Variants in CPXM2 observed in about 807,000 individuals in gnomAD.
CPXM2 encodes the protein carboxypeptidase X, M14 family member 2, also known as inactive carboxypeptidase-like protein X2.
Under a neutral mutation model 86.1 loss-of-function variants are expected in CPXM2, and 66 were observed. That is an observed-to-expected ratio of 0.77 (90% confidence interval 0.63 to 0.94). The LOEUF is 0.94. Among genes scored for constraint, CPXM2 ranks in the 40% least tolerant of loss-of-function variants. The pLI is 0.00. For synonymous variants in CPXM2, 388 were observed against 400.2 expected, an observed-to-expected ratio of 0.97 and a Z score of 0.36; for missense variants, 948 against 1,026.3, an observed-to-expected ratio of 0.92 and a Z score of 1.04.
In CPXM2 at chr10:123,865,724, C is replaced by T. The variant is rs1219453288; in HGVS notation, c.404-3001G>A. Among the ~76,000 whole-genome samples the T allele has an allele frequency of 1.3e-5, 2 of 152,194 alleles. No individual in the cohort carries two copies. Among genetic ancestry groups the T allele is most frequent in the Non-Finnish European group, 2.9e-5 (2 of 68,038 alleles). On this transcript the variant is annotated intron_variant, in intron 2 of 13. Transcript: ENST00000241305. The surrounding 1 kb of genome is among the most constrained non-coding windows in gnomAD (Gnocchi z 4.7). ...TGGGGCACGGGACGGGCACCTGCAGCTACTGCCCAGAGCTGAGGGTGAACA... is the reference window on the plus strand; with the variant it reads ...TGGGGCACGGGACGGGCACCTGCAGTTACTGCCCAGAGCTGAGGGTGAACA...
chr10:123,792,755 C>A (rs892002230), intron 6 of CPXM2, among the ~76,000 whole-genome samples: 1 of 152,218 alleles, frequency 6.6e-6, no homozygotes, highest in Non-Finnish European at 1.5e-5. Context: ...CCCAGACCTT[C>A]TGCAATACTT....
intron 13 of CPXM2, chr10:123,752,731 G>T: frequency 6.7e-6 from 3 of 445,534 alleles, no homozygotes; most frequent in Non-Finnish European, 5.9e-6. Context: ...CCAGTGCTTG[G>T]CTCAAATCAT....
At chr10:123,891,871 C>A (rs1945282713), upstream of CPXM2, 1 of 155,160 alleles carries the variant, frequency 6.4e-6, no homozygotes, top group Admixed American at 6.6e-5. This position sits in a 1 kb window ranked among gnomAD's most constrained non-coding sequence, Gnocchi z 5.6. Context: ...AGGCGCGGGG[C>A]GGGCGCAGGG....
chr10:123,913,625 GAT>G (rs1373018790), intron 2 of CPXM2: 3 of 170,290 alleles, frequency 1.8e-5, no homozygotes, highest in Admixed American at 5.6e-5. Context: ...GGGCAAGTGA[GAT>G]AGAAAATTAG....
upstream of CPXM2, among the ~76,000 whole-genome samples, chr10:123,941,427 A>C (rs9665095): frequency 6.6e-6 from 1 of 151,660 alleles, no homozygotes; most frequent in East Asian, 1.9e-4. Flanking sequence ...CTGTCTCTGT[A>C]TCTTCTCTTA....
At chr10:123,922,849 A>C (rs1169095078) in intron 2 of CPXM2, among the ~76,000 whole-genome samples, 2 of 152,162 alleles carry the variant, frequency 1.3e-5, no homozygotes, top group East Asian at 3.8e-4. Context: ...TGGTTGAAAA[A>C]CTATTGGGAA....
intron 2 of CPXM2, among the ~76,000 whole-genome samples, chr10:123,920,679 G>A (rs943439555): frequency 6.1e-4 from 93 of 152,262 alleles, no homozygotes; most frequent in Non-Finnish European, 3.5e-4. Context: ...CATAGTTCAC[G>A]TGTTGGAAAC....
intron 12 of CPXM2, among the ~76,000 whole-genome samples, chr10:123,756,437 G>A (rs1257856967): frequency 6.6e-6 from 1 of 152,136 alleles, no homozygotes; most frequent in Non-Finnish European, 1.5e-5. Flanking sequence ...TCTCAGCGGA[G>A]GCAGCAGCAG....
chr10:123,850,406 G>A (rs1460780472), intron 3 of CPXM2, among the ~76,000 whole-genome samples: 1 of 152,166 alleles, frequency 6.6e-6, no homozygotes. Flanking sequence ...AATATTAAAT[G>A]GGAAATTCCA....
intron 2 of CPXM2, 65 bp downstream of exon 2, chr10:123,880,146 A>AAG: frequency 8.3e-6 from 2 of 240,424 alleles, no homozygotes; most frequent in Non-Finnish European, 1.7e-5. Flanking sequence ...AGGGGCCTGT[A>AAG]CCCACCCACC....
intron 2 of CPXM2, among the ~76,000 whole-genome samples, chr10:123,918,463 G>A (rs1945552723): frequency 1.3e-5 from 2 of 152,162 alleles, no homozygotes; most frequent in Admixed American, 1.3e-4. Context: ...AAAACTCGAA[G>A]AAATACAGAT....
Position 123,845,343 on chromosome 10 carries a change from T to C in CPXM2, c.514-2855A>G, listed in dbSNP as rs1848475669. ...AAACAGAAAAAAAAAATGCAAACTATAATAGAGAACAGAAAAAAGGCTTTA... is the reference window on the plus strand; with the variant it reads ...AAACAGAAAAAAAAAATGCAAACTACAATAGAGAACAGAAAAAAGGCTTTA... On this transcript the variant is annotated intron_variant, in intron 3 of 13. Coordinates refer to ENST00000241305, the MANE Select transcript of CPXM2 (RefSeq NM_198148.3). Among the ~76,000 whole-genome samples the C allele has an allele frequency of 3.3e-5, 5 of 151,202 alleles. 1 individual carries two copies. In the South Asian group the frequency reaches 1.0e-3, roughly 32 times the overall value.
intron 6 of CPXM2, among the ~76,000 whole-genome samples, chr10:123,785,421 T>G (rs1244049601): frequency 2.0e-5 from 3 of 152,162 alleles, no homozygotes; most frequent in Non-Finnish European, 4.4e-5. Flanking sequence ...CACTTGGGAC[T>G]CTGACATGTG....
intron 2 of CPXM2, among the ~76,000 whole-genome samples, chr10:123,918,973 G>A (rs889559987): frequency 2.0e-5 from 3 of 152,208 alleles, no homozygotes; most frequent in African/African-American, 4.8e-5. Context: ...AGGAAAGGGG[G>A]CCACTGGGAG....
intron 3 of CPXM2, among the ~76,000 whole-genome samples, chr10:123,855,146 C>T (rs1848692924): frequency 1.3e-5 from 2 of 151,864 alleles, no homozygotes; most frequent in Non-Finnish European, 2.9e-5. Flanking sequence ...AATCCAAATA[C>T]CCAAAATTCC....
chr10:123,813,610 T>C (rs1236496160), intron 4 of CPXM2, among the ~76,000 whole-genome samples: 1 of 152,206 alleles, frequency 6.6e-6, no homozygotes, highest in Non-Finnish European at 1.5e-5. Flanking sequence ...AATCTCCCTT[T>C]CTCAAAACAC....
chr10:123,878,462 G>A (rs1246568830), intron 2 of CPXM2, among the ~76,000 whole-genome samples: 2 of 151,400 alleles, frequency 1.3e-5, no homozygotes, highest in Non-Finnish European at 2.9e-5. Context: ...GGGTGGGCCA[G>A]TAGGGAGGGG....
intron 2 of CPXM2, among the ~76,000 whole-genome samples, chr10:123,877,831 T>C (rs541472300): frequency 2.0e-5 from 3 of 152,332 alleles, no homozygotes; most frequent in Non-Finnish European, 2.9e-5. Flanking sequence ...GTGACAGCCA[T>C]GTACATGTTC....
chr10:123,866,822 C>A (rs1472004993), intron 2 of CPXM2, among the ~76,000 whole-genome samples: 1 of 152,254 alleles, frequency 6.6e-6, no homozygotes, highest in Non-Finnish European at 1.5e-5. Flanking sequence ...GCAGAGGCTG[C>A]AGTATCAGTC....
Sources: gnomAD v4.1 joint callset for allele counts (sites outside exome capture counted in the v4.1 genomes callset) on GRCh38, gnomAD v4.1.1 for gene constraint, Gnocchi (gnomAD v3.1) non-coding constraint, MANE v1.5 for transcripts, NCBI Gene and HGNC (gene_info 2026-07-23, HGNC 2026-07-21) for gene names.